ATXN2: variants seen among roughly 807,000 people sequenced by gnomAD.
ATXN2 encodes ataxin 2.
In ATXN2, 37 loss-of-function variants were observed where a neutral mutation model predicts 138.6. The observed-to-expected ratio is 0.27, with a 90% confidence interval of 0.21 to 0.35. ATXN2 has a LOEUF of 0.35. Ranked by LOEUF, ATXN2 falls within the 10% of genes least tolerant of loss-of-function variation. The probability of loss-of-function intolerance (pLI) is 1.00; values close to 1 mark genes in which losing one functional copy is unlikely to be tolerated. For synonymous variants in ATXN2, 549 were observed against 543.7 expected (o/e 1.01, Z -0.13); for missense variants, 1,216 against 1,480.3 (o/e 0.82, Z 2.93).
chr12:111,590,435 T>C (rs765996925), intron 1 of ATXN2, among the ~76,000 whole-genome samples: 4 of 151,976 alleles, frequency 2.6e-5, no homozygotes, highest in Non-Finnish European at 5.9e-5. Context: ...ACGCCTGTAA[T>C]TCCAGCACTT....
chr12:111,464,263 T>TGC (rs1248395473), intron 21 of ATXN2, among the ~76,000 whole-genome samples: 1 of 150,694 alleles, frequency 6.6e-6, no homozygotes, highest in Admixed American at 6.6e-5. Context: ...TGTGTGTGTG[T>TGC]GTGTGTGTGT....
rs1489359703 is a variant in ATXN2, at chr12:111,507,903, G to A, written c.1935+1646C>T. Reference sequence around the variant, plus strand: ...CTGAAACATGTGCTGTGTCACTCAGGGTTAAATGGATTAAGGGCGGTGCAA... The same window carrying A: ...CTGAAACATGTGCTGTGTCACTCAGAGTTAAATGGATTAAGGGCGGTGCAA... On this transcript the variant is annotated intron_variant, in intron 14 of 24. Transcript: ENST00000673436. 2.0e-5 allele frequency among the ~76,000 whole-genome samples: 3 copies of A among 152,142 alleles called. No homozygotes were observed. The East Asian group carries it at 5.8e-4, about 29-fold the overall frequency.
chr12:111,544,658 G>T (rs74882661), intron 5 of ATXN2, among the ~76,000 whole-genome samples: 1,980 of 152,228 alleles, frequency 0.013, 50 homozygotes, highest in African/African-American at 0.045. Context: ...CACATCTAAG[G>T]GGTGTGTGAA....
At chr12:111,505,044 C>A (rs1409162842) in intron 14 of ATXN2, among the ~76,000 whole-genome samples, 2 of 151,870 alleles carry the variant, frequency 1.3e-5, no homozygotes, top group African/African-American at 4.8e-5. Flanking sequence ...GGCAACATGG[C>A]GAAATTCTGT....
At chr12:111,561,538 G>A (rs1344954414) in intron 1 of ATXN2, among the ~76,000 whole-genome samples, 1 of 151,614 alleles carries the variant, frequency 6.6e-6, no homozygotes, top group East Asian at 2.0e-4. Context: ...TACTACATAA[G>A]CAAATACTCA....
At position 111,470,022 on chromosome 12, in the gene ATXN2, G is replaced by C. The variant is rs1593104844; in HGVS notation, c.2842+86C>G. 31 of 1,399,204 alleles carry C rather than the reference G, an allele frequency of 2.2e-5. No homozygotes were observed. The East Asian group carries it at 6.5e-4, about 29-fold the overall frequency. The allele number at this position is 1,399,204 out of a possible 1,614,324, so 86.7% of individuals were successfully genotyped here. ...TGACCCTCAATGTCATAAAAGGTCA[G>C]GTTATTCTTAGATAGAGTATGTTTT... On this transcript the variant is annotated intron_variant, in intron 20 of 24. Coordinates refer to ENST00000673436, the MANE Select transcript of ATXN2 (RefSeq NM_001372574.1).
At position 111,598,224 on chromosome 12, in the gene ATXN2, GGA is replaced by G. The variant is rs1346065753; in HGVS notation, c.251+558_251+559del. ...CTTTCCCAGGACTCGGAGGGGGCGGGGAGAGAGCCCCGACAGACCCTGATGAT... is the reference window on the plus strand; with the variant it reads ...CTTTCCCAGGACTCGGAGGGGGCGGGGAGAGCCCCGACAGACCCTGATGAT... On this transcript the variant is annotated intron_variant, in intron 1 of 24. Transcript: ENST00000673436. This position sits in a 1 kb window ranked among gnomAD's most constrained non-coding sequence, Gnocchi z 4.5. 1.1e-5 allele frequency: 12 copies of G among 1,049,072 alleles called. No individual in the cohort carries two copies. The highest frequency in any genetic ancestry group is 4.9e-5 in the Admixed American group (1 of 20,538). 65.0% of individuals were successfully genotyped at this position (1,049,072 alleles called of 1,614,324 possible).
intron 5 of ATXN2, among the ~76,000 whole-genome samples, chr12:111,537,054 A>G (rs982472505): frequency 6.6e-6 from 1 of 151,760 alleles, no homozygotes; most frequent in Admixed American, 6.6e-5. Context: ...AAGTGCTGGG[A>G]TTACAGAGGC....
intron 1 of ATXN2, among the ~76,000 whole-genome samples, chr12:111,595,600 C>T (rs908159405): frequency 2.0e-5 from 3 of 150,364 alleles, no homozygotes; most frequent in Non-Finnish European, 4.4e-5. Context: ...TGAGATCGTA[C>T]CACTGCACTT....
At chr12:111,484,811 G>C (rs995292289) in intron 18 of ATXN2, among the ~76,000 whole-genome samples, 18 of 152,142 alleles carry the variant, frequency 1.2e-4, no homozygotes, top group African/African-American at 4.3e-4. Flanking sequence ...GCTCACTGCA[G>C]CCTCTACTTC....
intron 15 of ATXN2, 74 bp from the exon 16 acceptor site, chr12:111,486,898 T>A: frequency 8.0e-7 from 1 of 1,246,330 alleles, no homozygotes; most frequent in Admixed American, 2.2e-5. Flanking sequence ...ACCTGACAAT[T>A]TAAAAAAAAT....
intron 5 of ATXN2, among the ~76,000 whole-genome samples, chr12:111,532,460 C>T (rs1880889461): frequency 6.6e-6 from 1 of 152,112 alleles, no homozygotes; most frequent in Non-Finnish European, 1.5e-5. Flanking sequence ...GCCTGGGAGA[C>T]AGAGCGAGAC....
At chr12:111,479,994 T>A (rs1185009229) in intron 18 of ATXN2, among the ~76,000 whole-genome samples, 3 of 91,136 alleles carry the variant, frequency 3.3e-5, no homozygotes, top group Non-Finnish European at 2.3e-5. Context: ...AAGATTTTTT[T>A]ACGTAAAAAA....
intron 18 of ATXN2, among the ~76,000 whole-genome samples, chr12:111,474,697 T>C (rs879607318): frequency 6.6e-6 from 1 of 152,240 alleles, no homozygotes; most frequent in African/African-American, 2.4e-5. Flanking sequence ...TGCTTCAGAA[T>C]AATCCAGTGG....
At chr12:111,470,437 G>A in intron 19 of ATXN2, 121 bp downstream of exon 19, 1 of 1,226,446 alleles carries the variant, frequency 8.2e-7, no homozygotes, top group Non-Finnish European at 1.1e-6. Flanking sequence ...GGGTCCCCAA[G>A]TCCTTAGCTA....
At chr12:111,547,435 G>A (rs1881854172) in intron 5 of ATXN2, among the ~76,000 whole-genome samples, 1 of 148,384 alleles carries the variant, frequency 6.7e-6, no homozygotes, top group African/African-American at 2.5e-5. Context: ...TCAAAATAAA[G>A]GTTTCCCTGG....
At chr12:111,480,518 T>C (rs1877153222) in intron 18 of ATXN2, among the ~76,000 whole-genome samples, 1 of 151,996 alleles carries the variant, frequency 6.6e-6, no homozygotes, top group African/African-American at 2.4e-5. Flanking sequence ...CTACTAAAAA[T>C]ACAAAAATTA....
At chr12:111,481,988 C>T (rs182258814) in intron 18 of ATXN2, among the ~76,000 whole-genome samples, 1 of 151,958 alleles carries the variant, frequency 6.6e-6, no homozygotes, top group East Asian at 2.0e-4. Flanking sequence ...ACATGAAAAT[C>T]CACAAAAGCA....
At position 111,582,384 on chromosome 12, in the gene ATXN2, A is replaced by G. The variant is rs567741774; in HGVS notation, c.251+16400T>C. On this transcript the variant is annotated intron_variant, in intron 1 of 24. Coordinates refer to ENST00000673436, the MANE Select transcript of ATXN2 (RefSeq NM_001372574.1). Reference sequence around the variant, plus strand: ...CTTGAACTCGGGAGGTGGAGGTTAGAGTGAGCAGAAATTGCACCACGCACT... The same window carrying G: ...CTTGAACTCGGGAGGTGGAGGTTAGGGTGAGCAGAAATTGCACCACGCACT... 7.3e-5 allele frequency among the ~76,000 whole-genome samples: 11 copies of G among 151,578 alleles called. No homozygotes were observed. In the East Asian group the frequency reaches 1.4e-3, roughly 19 times the overall value.
Sources: allele counts gnomAD v4.1 joint callset (sites outside exome capture counted in the v4.1 genomes callset), GRCh38; gene constraint gnomAD v4.1.1; non-coding constraint Gnocchi (gnomAD v3.1); transcripts MANE v1.5; gene names NCBI Gene and HGNC (gene_info 2026-07-23, HGNC 2026-07-21).